Variants in ZEB1 observed in about 807,000 individuals in gnomAD.
ZEB1 encodes zinc finger E-box binding homeobox 1, also known as zinc finger E-box-binding homeobox 1.
ZEB1 carries 21 observed loss-of-function variants against 84.9 expected under a neutral mutation model. The ratio of observed to expected loss-of-function variants is 0.25; its 90% CI spans 0.18 to 0.36. The LOEUF is 0.36. Among genes scored for constraint, ZEB1 ranks in the 10% least tolerant of loss-of-function variants. The pLI, the probability that ZEB1 is intolerant of heterozygous loss-of-function variation, is 1.00. For synonymous variants in ZEB1, 420 were observed against 471.1 expected (o/e 0.89, Z 1.41); for missense variants, 1,104 against 1,330.2 (o/e 0.83, Z 2.65).
chr10:31,515,874 C>T (rs763064665), intron 6 of ZEB1, among the ~76,000 whole-genome samples: 4 of 151,940 alleles, frequency 2.6e-5, no homozygotes, highest in Non-Finnish European at 4.4e-5. Flanking sequence ...TAACAACCTA[C>T]CTTCTTACCA....
chr10:31,426,160 A>T (rs2056901622), intron 1 of ZEB1, among the ~76,000 whole-genome samples: 1 of 152,170 alleles, frequency 6.6e-6, no homozygotes, highest in Non-Finnish European at 1.5e-5. Context: ...TGTTGTTCTG[A>T]GGATGTTCTG....
At chr10:31,376,772 A>G (rs1040376858) in intron 1 of ZEB1, among the ~76,000 whole-genome samples, 1 of 151,726 alleles carries the variant, frequency 6.6e-6, no homozygotes, top group African/African-American at 2.4e-5. Flanking sequence ...CTAGAAGAGT[A>G]TCTAGCATAT....
chr10:31,340,092 A>C (rs944474453), intron 1 of ZEB1, among the ~76,000 whole-genome samples: 1 of 152,112 alleles, frequency 6.6e-6, no homozygotes, highest in African/African-American at 2.4e-5. Context: ...AATTAATGCA[A>C]AATTGTTATG....
intron 1 of ZEB1, among the ~76,000 whole-genome samples, chr10:31,330,989 T>G (rs1218709682): frequency 6.6e-6 from 1 of 151,868 alleles, no homozygotes; most frequent in African/African-American, 2.4e-5. Flanking sequence ...GCATAATTCC[T>G]TCTGAGCTGG....
At chr10:31,340,331 C>T (rs1272818442) in intron 1 of ZEB1, among the ~76,000 whole-genome samples, 2 of 152,034 alleles carry the variant, frequency 1.3e-5, no homozygotes, top group African/African-American at 4.8e-5. Flanking sequence ...TACTAACTTA[C>T]TTTTTTAGGA....
At chr10:31,526,564 G>A (rs1218904686) in intron 8 of ZEB1, 108 bp from the exon 9 acceptor site, 13 of 1,353,378 alleles carry the variant, frequency 9.6e-6, no homozygotes, top group Non-Finnish European at 1.2e-5. Flanking sequence ...TTTTAAAAAT[G>A]AAACTAATAA....
At chr10:31,422,810 C>A (rs1476196657) in intron 1 of ZEB1, among the ~76,000 whole-genome samples, 1 of 151,962 alleles carries the variant, frequency 6.6e-6, no homozygotes, top group Non-Finnish European at 1.5e-5. Context: ...CTTTCCAGCC[C>A]TTACTCCTTT....
chr10:31,345,709 A>G (rs546484156), intron 1 of ZEB1, among the ~76,000 whole-genome samples: 48 of 152,262 alleles, frequency 3.2e-4, no homozygotes, highest in African/African-American at 1.1e-3. Flanking sequence ...AGCCTCATTC[A>G]TTTATAGAGA....
chr10:31,456,851 A>T (rs1223808507), intron 1 of ZEB1, among the ~76,000 whole-genome samples: 1 of 152,124 alleles, frequency 6.6e-6, no homozygotes, highest in African/African-American at 2.4e-5. Context: ...AGCACAATAC[A>T]TTTAAAAATC....
intron 1 of ZEB1, among the ~76,000 whole-genome samples, chr10:31,445,996 A>G (rs1186134281): frequency 7.5e-6 from 1 of 133,220 alleles, no homozygotes; most frequent in Non-Finnish European, 1.6e-5. Context: ...GAATGGTACC[A>G]GTTCCTCCTT....
intron 1 of ZEB1, among the ~76,000 whole-genome samples, chr10:31,442,005 C>T (rs556585506): frequency 2.7e-3 from 417 of 152,276 alleles, no homozygotes; most frequent in African/African-American, 9.4e-3. Flanking sequence ...TGTGGCGATT[C>T]CTCAAGGATC....
intron 1 of ZEB1, among the ~76,000 whole-genome samples, chr10:31,390,735 A>C (rs2049490169): frequency 6.6e-6 from 1 of 152,172 alleles, no homozygotes; most frequent in Non-Finnish European, 1.5e-5. Flanking sequence ...TGCAGGGATT[A>C]GGCTTACTTC....
At chr10:31,448,771 C>A (rs2060135422) in intron 1 of ZEB1, among the ~76,000 whole-genome samples, 1 of 152,156 alleles carries the variant, frequency 6.6e-6, no homozygotes, top group Non-Finnish European at 1.5e-5. Flanking sequence ...TCTGCCCATT[C>A]TCAGATCTCC....
intron 1 of ZEB1, among the ~76,000 whole-genome samples, chr10:31,437,743 T>C (rs1476941427): frequency 1.3e-5 from 2 of 152,206 alleles, no homozygotes; most frequent in Non-Finnish European, 2.9e-5. Context: ...GTTCATGATC[T>C]TTTTCTTTTC....
chr10:31,319,116 G>T, upstream of ZEB1: 2 of 722,738 alleles, frequency 2.8e-6, no homozygotes, highest in African/African-American at 1.8e-5. Flanking sequence ...TCGTAAAGCC[G>T]GGAGTGTCGT....
At chr10:31,365,765 G>T (rs935844221) in intron 1 of ZEB1, among the ~76,000 whole-genome samples, 7 of 152,196 alleles carry the variant, frequency 4.6e-5, no homozygotes, top group Admixed American at 2.6e-4. Flanking sequence ...GTAGGGGTGA[G>T]ATTGAATATA....
chr10:31,392,779 T>A (rs182135283), intron 1 of ZEB1, among the ~76,000 whole-genome samples: 107 of 151,414 alleles, frequency 7.1e-4, no homozygotes, highest in African/African-American at 2.4e-3. Flanking sequence ...TACATATATA[T>A]AAATGTAAAA....
At chr10:31,428,171 C>T (rs941314393) in intron 1 of ZEB1, among the ~76,000 whole-genome samples, 11 of 152,040 alleles carry the variant, frequency 7.2e-5, no homozygotes, top group African/African-American at 1.4e-4. Context: ...GTTGTTAACT[C>T]GAGATCTATC....
chr10:31,481,326 C>T (rs2065016187), intron 2 of ZEB1, among the ~76,000 whole-genome samples: 1 of 151,908 alleles, frequency 6.6e-6, no homozygotes, highest in African/African-American at 2.4e-5. Flanking sequence ...GCCCTGCCTA[C>T]TAACAAGACA....
Sources: gnomAD v4.1 joint callset for allele counts (sites outside exome capture counted in the v4.1 genomes callset) on GRCh38, gnomAD v4.1.1 for gene constraint, MANE v1.5 for transcripts, NCBI Gene and HGNC (gene_info 2026-07-23, HGNC 2026-07-21) for gene names.